The following RRM1 variants were observed in gnomAD, a reference collection of about 807,000 sequenced individuals.
RRM1 encodes ribonucleotide reductase catalytic subunit M1, also known as ribonucleoside-diphosphate reductase large subunit.
In RRM1, 19 loss-of-function variants were observed where a neutral mutation model predicts 101.5. The observed-to-expected ratio is 0.19, with a 90% confidence interval of 0.13 to 0.27. The LOEUF is 0.27. RRM1 is among the 10% of genes least tolerant of loss of function. RRM1 has a pLI of 1.00. For synonymous variants in RRM1, 298 were observed against 323.4 expected (o/e 0.92, Z 0.84); for missense variants, 500 against 962.9 (o/e 0.52, Z 6.36).
chr11:4,113,937 G>A (rs2094568993), intron 7 of RRM1, among the ~76,000 whole-genome samples: 2 of 151,964 alleles, frequency 1.3e-5, no homozygotes, highest in South Asian at 2.1e-4. Flanking sequence ...AACCAGCCTG[G>A]GCAACATGGT....
chr11:4,115,914 C>T (rs941830757), intron 7 of RRM1, among the ~76,000 whole-genome samples: 1 of 152,080 alleles, frequency 6.6e-6, no homozygotes, highest in Admixed American at 6.5e-5. Context: ...AGCAAAACAC[C>T]ATAGAGCAAA....
chr11:4,101,557 A>ACCCCCCCCCC (rs200112921), intron 1 of RRM1, among the ~76,000 whole-genome samples: 13 of 43,618 alleles, frequency 3.0e-4, no homozygotes, highest in South Asian at 9.4e-4. Context: ...CCAGTGATCC[A>ACCCCCCCCCC]CACCCCCCCC....
rs141634151 is a variant in RRM1 at position 4,123,205 on chromosome 11, C to T, written c.1141C>T (p.Arg381Cys). The change falls in exon 12 of 19, where the codon CGC (arginine) becomes TGC (cysteine). Residue 381 changes from arginine to cysteine, a missense_variant. Coordinates refer to ENST00000300738, the MANE Select transcript of RRM1 (RefSeq NM_001033.5). ...YASYEKQGRV[R>C]KVVKAQQLWY... is the part of the protein sequence containing the mutation. ...CAGTTATGAGAAACAAGGTCGTGTC[C>T]GCAAAGTTGTAAAAGCTCAGCAGCT... 65 of 1,613,774 alleles carry T rather than the reference C, an allele frequency of 4.0e-5. No individual in the cohort carries two copies. The Admixed American group carries it at 5.8e-4, about 14-fold the overall frequency.
intron 5 of RRM1, among the ~76,000 whole-genome samples, chr11:4,110,027 T>C (rs1299950523): frequency 2.6e-5 from 4 of 152,266 alleles, no homozygotes; most frequent in African/African-American, 9.6e-5. Flanking sequence ...AGAACATGAA[T>C]GTCAGTGTCC....
intron 15 of RRM1, among the ~76,000 whole-genome samples, chr11:4,131,788 A>G (rs985656416): frequency 1.3e-5 from 2 of 152,134 alleles, no homozygotes; most frequent in African/African-American, 4.8e-5. Flanking sequence ...GATAATGGAG[A>G]ATTGTGGTGA....
rs773222420 is a variant in RRM1, at chr11:4,133,675, A to T, written c.2001+17A>T. 2.7e-6 allele frequency: 4 copies of T among 1,483,912 alleles called. No homozygotes were observed. Among genetic ancestry groups the T allele is most frequent in the South Asian group, 2.3e-5 (2 of 87,562 alleles). 91.9% of individuals were successfully genotyped at this position (1,483,912 alleles called of 1,614,324 possible). A position where few individuals can be genotyped will look rare whatever the true frequency, so the allele number is the denominator to read the frequency against. The stretch of plus-strand genomic sequence containing the variant: ...TCTATTCAGGTATAGAATGAAAATG[A>T]AGTGTGCTCTGCAGGGGCTGAGTTG... On this transcript the variant is annotated intron_variant, in intron 17 of 18. Coordinates refer to ENST00000300738, the MANE Select transcript of RRM1 (RefSeq NM_001033.5).
chr11:4,110,444 C>T (rs773352053), intron 5 of RRM1, among the ~76,000 whole-genome samples: 44 of 152,262 alleles, frequency 2.9e-4, no homozygotes, highest in Middle Eastern at 3.4e-3. Flanking sequence ...TGAGCCACTG[C>T]GGCCAATTTA....
rs2094618490 is a variant in RRM1, at chr11:4,138,565, G to A, written c.*182G>A. ...ATTTTTTTTTTAAACTCATATATTG[G>A]GATTTTCACCAAAATAATGCTTTTG... On this transcript the variant is annotated 3_prime_UTR_variant, in exon 19 of 19. Transcript: ENST00000300738. 2 of 394,398 alleles carry A rather than the reference G, an allele frequency of 5.1e-6. No homozygotes were observed. Among genetic ancestry groups the A allele is most frequent in the South Asian group, 1.4e-4 (1 of 7,282 alleles). The allele number at this position is 394,398 out of a possible 1,614,324, so 24.4% of individuals were successfully genotyped here.
At chr11:4,133,801 T>TCACC (rs2094604454) in intron 17 of RRM1, 143 bp downstream of exon 17, 3 of 532,418 alleles carry the variant, frequency 5.6e-6, no homozygotes, top group Non-Finnish European at 1.0e-5. Context: ...CTCTGCATTG[T>TCACC]TGTGCTAGGA....
In RRM1 at chr11:4,119,830, T is replaced by C. The variant is rs769505852; in HGVS notation, c.793-15T>C. ...TGAGTGCCCTCTGTCATTTCTATCATGGTCTCTCTTTTAGACTAATGGCAA... is the reference window on the plus strand; with the variant it reads ...TGAGTGCCCTCTGTCATTTCTATCACGGTCTCTCTTTTAGACTAATGGCAA... On this transcript the variant is annotated splice_polypyrimidine_tract_variant and intron_variant, in intron 8 of 18. Transcript: ENST00000300738. The C allele has an allele frequency of 1.3e-6, 2 of 1,530,200 alleles. No homozygotes were observed. The highest frequency in any genetic ancestry group is 9.0e-7 in the Non-Finnish European group (1 of 1,107,898). The allele number at this position is 1,530,200 out of a possible 1,614,324, so 94.8% of individuals were successfully genotyped here. A position where few individuals can be genotyped will look rare whatever the true frequency, so the allele number is the denominator to read the frequency against.
intron 1 of RRM1, among the ~76,000 whole-genome samples, chr11:4,096,139 C>CAAA (rs2133280843): frequency 6.6e-6 from 1 of 152,258 alleles, no homozygotes; most frequent in East Asian, 1.9e-4. Flanking sequence ...GATGCTCTTG[C>CAAA]CTCAGCCTCT....
At chr11:4,110,267 C>G (rs2094563546) in intron 5 of RRM1, among the ~76,000 whole-genome samples, 1 of 152,064 alleles carries the variant, frequency 6.6e-6, no homozygotes, top group Admixed American at 6.5e-5. Context: ...GTTCTCCTGC[C>G]TCAGCCTCCT....
At chr11:4,111,553 C>G in intron 5 of RRM1, 48 bp from the exon 6 acceptor site, 1 of 1,460,952 alleles carries the variant, frequency 6.8e-7, no homozygotes, top group Non-Finnish European at 9.4e-7. Context: ...TCCACTGCGT[C>G]TTTAAAAACG....
intron 18 of RRM1, chr11:4,136,973 TAACGAGCATGCTGCCTTCAA>T (rs2094611713): frequency 6.0e-6 from 1 of 166,272 alleles, no homozygotes; most frequent in Non-Finnish European, 1.3e-5. Flanking sequence ...TGATGACTCT[TAACGAGCATGCTGCCTTCAA>T]GCATCTGTTT....
intron 7 of RRM1, among the ~76,000 whole-genome samples, chr11:4,118,001 A>T (rs960684498): frequency 1.3e-5 from 2 of 152,248 alleles, no homozygotes; most frequent in African/African-American, 4.8e-5. Flanking sequence ...ATGAATATGC[A>T]TGAGAAAATG....
chr11:4,123,592 GAC>G (rs1248207038), intron 12 of RRM1, among the ~76,000 whole-genome samples: 1 of 152,186 alleles, frequency 6.6e-6, no homozygotes, highest in Non-Finnish European at 1.5e-5. Context: ...GTGTGGGAAA[GAC>G]ACAGTTTTTT....
intron 16 of RRM1, 143 bp from the exon 17 acceptor site, chr11:4,133,420 C>T (rs1590734342): frequency 1.1e-5 from 6 of 537,358 alleles, no homozygotes; most frequent in Admixed American, 3.6e-5. Context: ...ATTGATGTCT[C>T]GTCTTTATAA....
rs530172214 is a variant in RRM1, at chr11:4,121,858, A to C, written c.1038+93A>C. 105 of 1,179,548 alleles carry C rather than the reference A, an allele frequency of 8.9e-5. No homozygotes were observed. In the African/African-American group the frequency reaches 1.5e-3, roughly 17 times the overall value. 73.1% of individuals were successfully genotyped at this position (1,179,548 alleles called of 1,614,324 possible). A position where few individuals can be genotyped will look rare whatever the true frequency, so the allele number is the denominator to read the frequency against. On this transcript the variant is annotated intron_variant, in intron 10 of 18. Transcript: ENST00000300738. ...TAAGTCATGCTTAGGAAGAGCCCAT[A>C]TGTGTGTGATGCCACAGAAGGCATT... is the stretch of plus-strand genomic sequence containing the variant.
chr11:4,105,937 T>TATAG, intron 2 of RRM1, 109 bp from the exon 3 acceptor site: 1 of 820,070 alleles, frequency 1.2e-6, no homozygotes, highest in Non-Finnish European at 2.0e-6. Flanking sequence ...TAGCTGGGAC[T>TATAG]ATAGGCATGT....
Sources: allele counts gnomAD v4.1 joint callset (sites outside exome capture counted in the v4.1 genomes callset), GRCh38; gene constraint gnomAD v4.1.1; transcripts MANE v1.5; gene names NCBI Gene and HGNC (gene_info 2026-07-23, HGNC 2026-07-21).